RUFY4: variants seen among roughly 807,000 people sequenced by gnomAD.
RUFY4 encodes the protein RUN and FYVE domain containing 4.
In RUFY4, 73 loss-of-function variants were observed where a neutral mutation model predicts 69.0. The observed-to-expected ratio is 1.06, with a 90% confidence interval of 0.88 to 1.29. The LOEUF is 1.29. RUFY4 is among the 50% of genes most tolerant of loss of function. The probability of loss-of-function intolerance (pLI) is 0.00; values close to 1 mark genes in which losing one functional copy is unlikely to be tolerated. For synonymous variants in RUFY4, 287 were observed against 271.8 expected (o/e 1.06, Z -0.55); for missense variants, 770 against 705.6 (o/e 1.09, Z -1.03).
At chr2:218,065,345 G>T (rs1257319507), upstream of RUFY4, among the ~76,000 whole-genome samples, 1 of 152,236 alleles carries the variant, frequency 6.6e-6, no homozygotes, top group African/African-American at 2.4e-5. Context: ...CTGCCCAGAG[G>T]GGCGAGGAAG....
chr2:218,040,858 T>C (rs1180442994), intron 2 of RUFY4, among the ~76,000 whole-genome samples: 3 of 151,950 alleles, frequency 2.0e-5, no homozygotes, highest in African/African-American at 7.3e-5. Context: ...AAGACTGAAA[T>C]CTATAGGGGT....
At chr2:218,053,942 G>C (rs1689004275) in intron 2 of RUFY4, among the ~76,000 whole-genome samples, 1 of 152,178 alleles carries the variant, frequency 6.6e-6, no homozygotes, top group African/African-American at 2.4e-5. Context: ...ACCGCACCTG[G>C]CCTAAACATC....
intron 2 of RUFY4, among the ~76,000 whole-genome samples, chr2:218,055,293 G>A (rs1177572419): frequency 6.6e-6 from 1 of 152,026 alleles, no homozygotes; most frequent in Non-Finnish European, 1.5e-5. Flanking sequence ...TACACGGGAG[G>A]CTGAGACAGG....
chr2:218,036,227 T>C (rs979583423), intron 2 of RUFY4, among the ~76,000 whole-genome samples: 2 of 152,230 alleles, frequency 1.3e-5, no homozygotes, highest in Admixed American at 6.5e-5. Context: ...CACCATCATC[T>C]TCACACCCTG....
chr2:218,059,571 G>T (rs983063321), intron 3 of RUFY4: 3 of 166,956 alleles, frequency 1.8e-5, no homozygotes, highest in Non-Finnish European at 4.4e-5. Flanking sequence ...AGTTTTCAAG[G>T]TTCGTCCGTG....
At chr2:218,041,634 T>C (rs1449404434) in intron 2 of RUFY4, among the ~76,000 whole-genome samples, 1 of 152,234 alleles carries the variant, frequency 6.6e-6, no homozygotes. Context: ...GCTGCTTTAT[T>C]TGGTCTATCC....
At chr2:218,084,256 G>A (rs913990251) in intron 9 of RUFY4, among the ~76,000 whole-genome samples, 11 of 151,456 alleles carry the variant, frequency 7.3e-5, no homozygotes, top group African/African-American at 2.4e-4. Flanking sequence ...TTTTTTAACG[G>A]AGTCTCGCTC....
rs959928260 is a variant in RUFY4, at chr2:218,071,968, G to A, written c.154-406G>A. On this transcript the variant is annotated intron_variant, in intron 2 of 10. Coordinates refer to ENST00000344321, the Ensembl canonical transcript of RUFY4. ...ATTCAGCTGGGGCACAGGAAAGGAT[G>A]AGTAGGTGTCTTGAGGAGAATGAGT... 3.3e-5 allele frequency among the ~76,000 whole-genome samples: 5 copies of A among 152,316 alleles called. No individual in the cohort carries two copies. In the East Asian group the frequency reaches 7.7e-4, roughly 24 times the overall value.
At chr2:218,072,838 G>A (rs1308294840) in exon 4 of RUFY4, 4 of 1,535,898 alleles carry the variant, frequency 2.6e-6, no homozygotes, top group African/African-American at 1.4e-5. Flanking sequence ...CCCGTGGGCA[G>A]CTGGCTGAGG....
intron 8 of RUFY4, among the ~76,000 whole-genome samples, chr2:218,081,231 C>T (rs1338463518): frequency 2.0e-5 from 3 of 152,212 alleles, no homozygotes; most frequent in Non-Finnish European, 4.4e-5. Flanking sequence ...TCTTCTCCTA[C>T]CTTCCCTGCC....
chr2:218,073,283 C>A, exon 5 of RUFY4: 1 of 1,553,864 alleles, frequency 6.4e-7, no homozygotes, highest in South Asian at 1.2e-5. Flanking sequence ...CTGCCCAGAA[C>A]GCCAAGAAGA....
chr2:218,075,319 A>G lies in RUFY4; in HGVS notation c.827A>G (p.Asp276Gly), dbSNP rs201493440. The G allele has an allele frequency of 3.6e-4, 584 of 1,609,316 alleles. 1 individual carries two copies. The African/African-American group carries it at 7.0e-3, about 19-fold the overall frequency. Residue 276 changes from aspartate (D) to glycine (G), a missense_variant, in exon 7 of 11, where the codon GAC (aspartate) becomes GGC (glycine). By Grantham distance (94) the Asp-to-Gly change is moderately conservative. Coordinates refer to ENST00000344321, the Ensembl canonical transcript of RUFY4. ...CCAGAAGGGAAGGAGCTTCAGCTAGACCAGGAGGAAAGAGCCCCATGGATT... is the reference window on the plus strand; with the variant it reads ...CCAGAAGGGAAGGAGCTTCAGCTAGGCCAGGAGGAAAGAGCCCCATGGATT...
rs557196488 is a variant in RUFY4 at position 218,071,670 on chromosome 2, AT to A, written c.154-697del. ...CATTTTCCATTCTCTTTCCTGCTTTATTTTTTTCTCCGTAGCAGTCATCACT... is the reference window on the plus strand; with the variant it reads ...CATTTTCCATTCTCTTTCCTGCTTTATTTTTTCTCCGTAGCAGTCATCACT... On this transcript the variant is annotated intron_variant, in intron 2 of 10. Transcript: ENST00000344321. Among the ~76,000 whole-genome samples, 41 of 151,850 alleles carry A rather than the reference AT, an allele frequency of 2.7e-4. No homozygotes were observed. The East Asian group carries it at 7.8e-3, about 29-fold the overall frequency.
intron 2 of RUFY4, among the ~76,000 whole-genome samples, chr2:218,046,521 A>G (rs1214701757): frequency 2.0e-5 from 3 of 152,176 alleles, no homozygotes; most frequent in African/African-American, 7.2e-5. Flanking sequence ...ATGTTGCTGA[A>G]GCAATCATTT....
At chr2:218,050,040 A>C (rs1306507620) in intron 2 of RUFY4, among the ~76,000 whole-genome samples, 1 of 152,058 alleles carries the variant, frequency 6.6e-6, no homozygotes, top group Non-Finnish European at 1.5e-5. Flanking sequence ...GAGAACTTCT[A>C]TCCTCATCTC....
At chr2:218,047,968 T>A (rs887974667) in intron 2 of RUFY4, among the ~76,000 whole-genome samples, 1 of 152,240 alleles carries the variant, frequency 6.6e-6, no homozygotes, top group Non-Finnish European at 1.5e-5. Flanking sequence ...GTTGAACTTA[T>A]AAGTTCTGTT....
chr2:218,067,550 C>T (rs1689370853), upstream of RUFY4, among the ~76,000 whole-genome samples: 2 of 152,208 alleles, frequency 1.3e-5, no homozygotes, highest in Admixed American at 1.3e-4. Context: ...GCAGCAGCAA[C>T]CCCCACTGGA....
At chr2:218,071,756 G>A (rs1237214259) in intron 2 of RUFY4, among the ~76,000 whole-genome samples, 1 of 152,104 alleles carries the variant, frequency 6.6e-6, no homozygotes, top group Non-Finnish European at 1.5e-5. Flanking sequence ...TCCTTTATCA[G>A]GGCCACAGTG....
At chr2:218,037,333 A>G (rs114785541) in intron 2 of RUFY4, among the ~76,000 whole-genome samples, 1,856 of 149,292 alleles carry the variant, frequency 0.012, 42 homozygotes, top group African/African-American at 0.043. Context: ...AAAAAAAAAG[A>G]TAATAAACTG....
Sources: allele counts gnomAD v4.1 joint callset (sites outside exome capture counted in the v4.1 genomes callset), GRCh38; gene constraint gnomAD v4.1.1; transcripts MANE v1.5; gene names NCBI Gene and HGNC (gene_info 2026-07-23, HGNC 2026-07-21).